MYH11: variants seen among roughly 807,000 people sequenced by gnomAD.
The protein encoded by MYH11 is myosin-11.
MYH11 carries 80 observed loss-of-function variants against 246.6 expected under a neutral mutation model. The ratio of observed to expected loss-of-function variants is 0.32; its 90% CI spans 0.27 to 0.39. The LOEUF is 0.39. Ranked by LOEUF, MYH11 falls within the 10% of genes least tolerant of loss-of-function variation. The probability of loss-of-function intolerance (pLI) is 1.00; values close to 1 mark genes in which losing one functional copy is unlikely to be tolerated. For missense variants in MYH11, 2,158 were observed against 2,546.8 expected, an observed-to-expected ratio of 0.85 and a Z score of 3.29; for synonymous variants, 1,071 against 1,015.5, an observed-to-expected ratio of 1.05 and a Z score of -1.04.
rs1282081343 is a variant in MYH11, at chr16:15,838,169, A to G, written c.84T>C (p.Ala28=). The G allele has an allele frequency of 1.9e-6, 3 of 1,614,028 alleles. No homozygotes were observed. Among genetic ancestry groups the G allele is most frequent in the South Asian group, 2.2e-5 (2 of 91,086 alleles). Residue 28 remains alanine, a synonymous_variant, in exon 2 of 41, where the codon GCT becomes GCC. Coordinates refer to ENST00000300036, the MANE Select transcript of MYH11 (RefSeq NM_002474.3). ...KNFINSPVAQ[A]DWAAKRLVWV... The stretch of plus-strand genomic sequence containing the variant: ...AGACGAGTCTCTTGGCGGCCCAGTC[A>G]GCCTGGGCCACTGGGCTGTTGATGA...
chr16:15,822,403 G>A (rs911073847), intron 3 of MYH11, among the ~76,000 whole-genome samples: 2 of 152,148 alleles, frequency 1.3e-5, no homozygotes, highest in Non-Finnish European at 2.9e-5. Flanking sequence ...GAAGGCCTGG[G>A]TGCAGTGGCT....
intron 1 of MYH11, among the ~76,000 whole-genome samples, chr16:15,839,462 G>A (rs2043993513): frequency 6.6e-6 from 1 of 152,040 alleles, no homozygotes; most frequent in Non-Finnish European, 1.5e-5. Context: ...GGAGGCTGAG[G>A]TGAGTGGATC....
intron 4 of MYH11, chr16:15,791,371 T>G (rs1254464510): frequency 1.3e-5 from 2 of 152,234 alleles, no homozygotes; most frequent in African/African-American, 4.8e-5. Flanking sequence ...AGCCAAATTG[T>G]CTCTGATGAA....
At chr16:15,718,120 G>A in intron 37 of MYH11, 195 bp downstream of exon 37, 1 of 815,520 alleles carries the variant, frequency 1.2e-6, no homozygotes, top group Non-Finnish European at 1.9e-6. Context: ...GCAGCGTGGA[G>A]AGGAGTATTC....
intron 2 of MYH11, among the ~76,000 whole-genome samples, chr16:15,824,528 G>C (rs1186414224): frequency 6.6e-6 from 1 of 152,166 alleles, no homozygotes; most frequent in Non-Finnish European, 1.5e-5. Context: ...TGATGCGCCA[G>C]TCTCAGCCTC....
At chr16:15,770,338 C>T (rs896790350) in intron 9 of MYH11, among the ~76,000 whole-genome samples, 1 of 152,098 alleles carries the variant, frequency 6.6e-6, no homozygotes, top group Non-Finnish European at 1.5e-5. Context: ...TCCAAACGGG[C>T]GTAGGCGTGG....
At chr16:15,779,064 T>G (rs1020515411) in intron 6 of MYH11, 30 of 642,844 alleles carry the variant, frequency 4.7e-5, no homozygotes, top group Non-Finnish European at 7.7e-5. Flanking sequence ...TAAAACATGT[T>G]CACAGATCAA....
At chr16:15,856,378 A>C (rs1393021767) in intron 1 of MYH11, among the ~76,000 whole-genome samples, 1 of 151,096 alleles carries the variant, frequency 6.6e-6, no homozygotes, top group Non-Finnish European at 1.5e-5. Flanking sequence ...GCCTATGCCC[A>C]TGTGTTTTTA....
Position 15,715,006 on chromosome 16 carries a change from T to G in MYH11, c.5689A>C (p.Asn1897His), listed in dbSNP as rs764994966. ...EEAEEESQRINANRRKLQREL... is the reference protein window; with the variant it reads ...EEAEEESQRIHANRRKLQREL... ...CGCTGCAGCTTCCTGCGGTTGGCGT[T>G]GATGCGCTGGGACTCCTCCTCTGCC... Residue 1897 changes from asparagine to histidine, a missense_variant, in exon 40 of 41, where the codon AAC becomes CAC. Transcript: ENST00000300036. The G allele has an allele frequency of 6.2e-7, 1 of 1,613,878 alleles. No homozygotes were observed. The highest frequency in any genetic ancestry group is 2.2e-5 in the East Asian group (1 of 44,892).
In MYH11 at chr16:15,718,314, C is replaced by A; in HGVS notation, c.5295+1G>T. Reference sequence around the variant, plus strand: ...GACTGTGGTGTCCAGGCGGCCCTCACCTGCTGTGTGGCTTTGCGGACCCGG... The same window carrying A: ...GACTGTGGTGTCCAGGCGGCCCTCAACTGCTGTGTGGCTTTGCGGACCCGG... On this transcript the variant is annotated splice_donor_variant, in intron 37 of 40. Transcript: ENST00000300036. LOFTEE classifies it high-confidence loss of function. The A allele has an allele frequency of 6.2e-7, 1 of 1,609,006 alleles. No individual in the cohort carries two copies. The highest frequency in any genetic ancestry group is 8.5e-7 in the Non-Finnish European group (1 of 1,179,982).
chr16:15,729,271 C>T (rs2040889326), intron 27 of MYH11, among the ~76,000 whole-genome samples: 1 of 152,098 alleles, frequency 6.6e-6, no homozygotes. Context: ...AACGTTTCCC[C>T]CACAAGCAGA....
chr16:15,740,012 G>A, intron 23 of MYH11, 39 bp downstream of exon 23: 1 of 1,610,790 alleles, frequency 6.2e-7, no homozygotes, highest in Non-Finnish European at 8.5e-7. Flanking sequence ...AAAGTGCTCG[G>A]ATTATAGGCG....
At chr16:15,706,364 C>T (rs559514863) in intron 40 of MYH11, among the ~76,000 whole-genome samples, 2 of 152,116 alleles carry the variant, frequency 1.3e-5, no homozygotes, top group African/African-American at 2.4e-5. Context: ...GTTCCCTGTA[C>T]GCTCCCCACA....
intron 4 of MYH11, among the ~76,000 whole-genome samples, chr16:15,787,416 T>C (rs2042496383): frequency 6.7e-6 from 1 of 149,664 alleles, no homozygotes; most frequent in Non-Finnish European, 1.5e-5. Flanking sequence ...TCTAAAAAAA[T>C]AGAGTGAACA....
intron 36 of MYH11, 76 bp downstream of exon 36, chr16:15,719,144 T>C: frequency 2.1e-6 from 3 of 1,444,558 alleles, no homozygotes; most frequent in Non-Finnish European, 2.9e-6. Context: ...ATTTAAAAAA[T>C]AAAATGGGGG....
intron 2 of MYH11, among the ~76,000 whole-genome samples, chr16:15,832,855 C>T (rs1355707238): frequency 6.6e-6 from 1 of 151,512 alleles, no homozygotes; most frequent in African/African-American, 2.4e-5. Flanking sequence ...TCACCCTGGC[C>T]CTGGACTCAC....
intron 25 of MYH11, 27 bp downstream of exon 25, chr16:15,737,422 G>A: frequency 6.2e-7 from 1 of 1,607,946 alleles, no homozygotes; most frequent in Non-Finnish European, 8.5e-7. Context: ...TGGACACACA[G>A]CAAATGCCCC....
Position 15,823,352 on chromosome 16 carries a change from C to G in MYH11, c.405G>C (p.Ser135=), listed in dbSNP as rs375649016. ...CCTTGTACATGTCGACGATCTTCTC[C>G]GAGTAGATGGGCAGGTGTTTATAGG... ...VNPYKHLPIY[S]EKIVDMYKGK... is the part of the protein sequence containing the mutation. Residue 135 remains serine (S), a synonymous_variant, in exon 3 of 41, where the codon TCG becomes TCC. Coordinates refer to ENST00000300036, the MANE Select transcript of MYH11 (RefSeq NM_002474.3). 1.2e-6 allele frequency: 2 copies of G among 1,614,128 alleles called. No homozygotes were observed. Among genetic ancestry groups the G allele is most frequent in the South Asian group, 2.2e-5 (2 of 91,082 alleles).
chr16:15,762,096 T>A (rs2041880663), intron 10 of MYH11, among the ~76,000 whole-genome samples: 1 of 152,236 alleles, frequency 6.6e-6, no homozygotes, highest in Non-Finnish European at 1.5e-5. Flanking sequence ...TGCCTCAGCC[T>A]CCTGAGTAGC....
Sources: allele counts gnomAD v4.1 joint callset (sites outside exome capture counted in the v4.1 genomes callset), GRCh38; gene constraint gnomAD v4.1.1; transcripts MANE v1.5; gene names NCBI Gene and HGNC (gene_info 2026-07-23, HGNC 2026-07-21).